The following KLRG1 variants were observed in gnomAD, a reference collection of about 807,000 sequenced individuals.
KLRG1 encodes killer cell lectin like receptor G1.
Under a neutral mutation model 21.8 loss-of-function variants are expected in KLRG1, and 16 were observed. That is an observed-to-expected ratio of 0.73 (90% CI 0.50 to 1.11). The LOEUF (loss-of-function observed/expected upper bound fraction) is 1.11, where lower values mean the gene tolerates loss of function less well. Ranked by LOEUF, KLRG1 falls within the 50% of genes most tolerant of loss-of-function variation. The pLI is 0.00. For missense variants in KLRG1, 173 were observed against 218.3 expected (o/e 0.79, Z 1.31); for synonymous variants, 69 against 75.9 (o/e 0.91, Z 0.47).
At chr12:9,161,192 G>C in the KLRG1 span, 1 of 1,222,054 alleles carries the variant, frequency 8.2e-7, no homozygotes, top group Non-Finnish European at 1.1e-6. Context: ...AATGTAGTGA[G>C]AGCTTCAGAG....
At chr12:9,113,171 C>A in the KLRG1 span, among the ~76,000 whole-genome samples, 1 of 149,936 alleles carries the variant, frequency 6.7e-6, no homozygotes, top group Non-Finnish European at 1.5e-5. Flanking sequence ...TTTTAGTTTG[C>A]CTGTAAATAT....
chr12:9,208,849 A>G, the KLRG1 span, among the ~76,000 whole-genome samples: 2 of 152,348 alleles, frequency 1.3e-5, 1 homozygote, highest in Admixed American at 1.3e-4. Context: ...GTGATATAAA[A>G]TAAGGATTTC....
the KLRG1 span, among the ~76,000 whole-genome samples, chr12:9,121,321 T>TC: frequency 1.3e-5 from 2 of 152,144 alleles, no homozygotes; most frequent in African/African-American, 4.8e-5. This position sits in a 1 kb window ranked among gnomAD's most constrained non-coding sequence, Gnocchi z 4.4. Flanking sequence ...GGCAGGTGGA[T>TC]CATGAGGTCA....
the KLRG1 span, chr12:9,093,563 T>C: frequency 6.2e-7 from 1 of 1,600,136 alleles, no homozygotes; most frequent in Admixed American, 1.7e-5. Flanking sequence ...CATGGCCTCT[T>C]CCCATTACAT....
At chr12:9,128,594 G>C in the KLRG1 span, 2 of 152,224 alleles carry the variant, frequency 1.3e-5, no homozygotes, top group Non-Finnish European at 2.9e-5. Flanking sequence ...CATCCTGCTC[G>C]AGCGCCAGAA....
chr12:8,959,464 G>A (rs761266408), intron 1 of KLRG1, among the ~76,000 whole-genome samples: 89 of 152,226 alleles, frequency 5.8e-4, no homozygotes, highest in African/African-American at 2.1e-3. Context: ...CAGCCAATCC[G>A]TTGTTTCAGT....
At chr12:9,039,076 G>A in the KLRG1 span, among the ~76,000 whole-genome samples, 5 of 152,206 alleles carry the variant, frequency 3.3e-5, no homozygotes, top group Admixed American at 6.5e-5. Context: ...GCTCTGGTTG[G>A]AGAATAAAGC....
the KLRG1 span, among the ~76,000 whole-genome samples, chr12:9,119,816 T>G: frequency 1.5e-3 from 227 of 152,212 alleles, no homozygotes; most frequent in African/African-American, 5.2e-3. Context: ...TTCATTATAA[T>G]CACAGATAAA....
the KLRG1 span, among the ~76,000 whole-genome samples, chr12:9,086,200 A>T: frequency 2.0e-5 from 3 of 152,218 alleles, no homozygotes; most frequent in Non-Finnish European, 4.4e-5. Context: ...AAAAAGAATT[A>T]CAGACCAATA....
chr12:9,160,038 G>C, the KLRG1 span: 8 of 1,605,492 alleles, frequency 5.0e-6, no homozygotes, highest in African/African-American at 1.3e-5. Context: ...GAAATGGAAG[G>C]CTTCAGATTG....
At chr12:9,024,410 T>C in the KLRG1 span, among the ~76,000 whole-genome samples, 1 of 152,162 alleles carries the variant, frequency 6.6e-6, no homozygotes, top group Non-Finnish European at 1.5e-5. Context: ...TGTAATTTTA[T>C]AGTAAGTCTA....
At chr12:9,146,598 G>C in the KLRG1 span, among the ~76,000 whole-genome samples, 70 of 152,164 alleles carry the variant, frequency 4.6e-4, 2 homozygotes, top group African/African-American at 1.6e-3. Flanking sequence ...CTCTGCATTA[G>C]ACAAAGGAAG....
intron 1 of KLRG1, among the ~76,000 whole-genome samples, chr12:8,952,681 A>T (rs1272722161): frequency 6.6e-6 from 1 of 152,242 alleles, no homozygotes; most frequent in African/African-American, 2.4e-5. Flanking sequence ...GAACAGGTTG[A>T]GAGTAAACTT....
chr12:9,102,339 T>C, the KLRG1 span, among the ~76,000 whole-genome samples: 4 of 152,114 alleles, frequency 2.6e-5, no homozygotes, highest in African/African-American at 4.8e-5. Context: ...GTCAGCCTCC[T>C]GAGTTGCTAG....
chr12:9,057,086 A>C, the KLRG1 span, among the ~76,000 whole-genome samples: 1 of 152,202 alleles, frequency 6.6e-6, no homozygotes, highest in African/African-American at 2.4e-5. Context: ...TGTATATTAC[A>C]GGTAGTTTTG....
chr12:9,201,615 A>G, the KLRG1 span, among the ~76,000 whole-genome samples: 1 of 152,144 alleles, frequency 6.6e-6, no homozygotes, highest in South Asian at 2.1e-4. Flanking sequence ...AAGTATTAAT[A>G]TTATTTGGAT....
the KLRG1 span, among the ~76,000 whole-genome samples, chr12:9,201,700 T>C: frequency 6.6e-6 from 1 of 152,080 alleles, no homozygotes; most frequent in South Asian, 2.1e-4. Flanking sequence ...TTAATAGAGT[T>C]ATATGTCATT....
At chr12:9,143,696 G>T in the KLRG1 span, among the ~76,000 whole-genome samples, 1 of 152,050 alleles carries the variant, frequency 6.6e-6, no homozygotes, top group African/African-American at 2.4e-5. Context: ...TGCCATTTTC[G>T]GGCCATTAGC....
the KLRG1 span, among the ~76,000 whole-genome samples, chr12:9,180,137 TA>T: frequency 6.6e-6 from 1 of 152,176 alleles, no homozygotes; most frequent in Non-Finnish European, 1.5e-5. Flanking sequence ...TTTATTTATT[TA>T]TTTATTTTAT....
Sources: gnomAD v4.1 joint callset for allele counts (sites outside exome capture counted in the v4.1 genomes callset) on GRCh38, gnomAD v4.1.1 for gene constraint, Gnocchi (gnomAD v3.1) non-coding constraint, MANE v1.5 for transcripts, NCBI Gene and HGNC (gene_info 2026-07-23, HGNC 2026-07-21) for gene names.